CA10: variants seen among roughly 807,000 people sequenced by gnomAD.
The protein encoded by CA10 is carbonic anhydrase 10 (inactive), also known as carbonic anhydrase-related protein 10.
Under a neutral mutation model 44.2 loss-of-function variants are expected in CA10, and 14 were observed. The ratio of observed to expected loss-of-function variants is 0.32; its 90% CI spans 0.21 to 0.50. The LOEUF is 0.50. Among genes scored for constraint, CA10 ranks in the 20% least tolerant of loss-of-function variants. The pLI, the probability that CA10 is intolerant of heterozygous loss-of-function variation, is 0.99. For synonymous variants in CA10, 159 were observed against 141.6 expected (o/e 1.12, Z -0.87); for missense variants, 350 against 409.7 (o/e 0.85, Z 1.26).
intron 2 of CA10, among the ~76,000 whole-genome samples, chr17:52,048,072 T>C (rs1986963409): frequency 6.6e-6 from 1 of 151,488 alleles, no homozygotes; most frequent in South Asian, 2.1e-4. Flanking sequence ...TTGTTTTTGG[T>C]TTTATTTTGC....
intron 2 of CA10, among the ~76,000 whole-genome samples, chr17:51,980,232 G>A (rs1055256824): frequency 6.6e-6 from 1 of 152,112 alleles, no homozygotes; most frequent in Non-Finnish European, 1.5e-5. Context: ...TCTGACTGGT[G>A]TGAGATGGTA....
At chr17:51,804,840 G>T (rs965025824) in intron 3 of CA10, among the ~76,000 whole-genome samples, 2 of 152,112 alleles carry the variant, frequency 1.3e-5, no homozygotes, top group Non-Finnish European at 2.9e-5. Flanking sequence ...CAACCATAAG[G>T]GTTTTAAAGC....
At chr17:51,743,699 C>G (rs1567824646) in intron 4 of CA10, among the ~76,000 whole-genome samples, 1 of 152,188 alleles carries the variant, frequency 6.6e-6, no homozygotes, top group African/African-American at 2.4e-5. Context: ...TGACTTATCA[C>G]GATCAGCAGT....
chr17:51,963,470 A>G (rs1983966857), intron 2 of CA10, among the ~76,000 whole-genome samples: 1 of 151,644 alleles, frequency 6.6e-6, no homozygotes, highest in Admixed American at 6.6e-5. Flanking sequence ...TACCCACCAG[A>G]CTGTCCAAGA....
intron 3 of CA10, among the ~76,000 whole-genome samples, chr17:51,923,432 G>T (rs1335327151): frequency 6.6e-6 from 1 of 152,126 alleles, no homozygotes; most frequent in East Asian, 1.9e-4. Flanking sequence ...CAAGATGATT[G>T]ATTTGCTAAT....
chr17:51,930,960 C>A (rs371674596), intron 3 of CA10, 30 bp downstream of exon 3: 5 of 1,610,940 alleles, frequency 3.1e-6, no homozygotes, highest in South Asian at 1.1e-5. Flanking sequence ...CCATCTTCAA[C>A]TTTACCATGG....
intron 2 of CA10, among the ~76,000 whole-genome samples, chr17:51,942,538 TTATA>T (rs10549926): frequency 7.4e-6 from 1 of 135,176 alleles, no homozygotes; most frequent in Non-Finnish European, 1.7e-5. Flanking sequence ...CTTGCAGGCA[TTATA>T]TATATATATA....
intron 3 of CA10, among the ~76,000 whole-genome samples, chr17:51,842,133 A>C (rs1441932842): frequency 6.6e-6 from 1 of 152,236 alleles, no homozygotes; most frequent in Non-Finnish European, 1.5e-5. Context: ...ATGTTTTCTG[A>C]GAGGGCCTAC....
intron 3 of CA10, among the ~76,000 whole-genome samples, chr17:51,831,707 A>AGCGGCGGCG (rs1567854624): frequency 2.0e-5 from 2 of 98,204 alleles, no homozygotes; most frequent in African/African-American, 6.6e-5. Flanking sequence ...CAGCAGCAGC[A>AGCGGCGGCG]GCAGCAGCAG....
intron 3 of CA10, among the ~76,000 whole-genome samples, chr17:51,888,056 A>G (rs1980692684): frequency 6.6e-6 from 1 of 151,772 alleles, no homozygotes; most frequent in South Asian, 2.1e-4. Flanking sequence ...AAACAAAACA[A>G]AAAAAACTGT....
At chr17:51,902,882 T>C (rs1483446434) in intron 3 of CA10, among the ~76,000 whole-genome samples, 2 of 152,116 alleles carry the variant, frequency 1.3e-5, no homozygotes, top group Non-Finnish European at 2.9e-5. Flanking sequence ...GTTAATCAAA[T>C]CTAGAAGTAT....
At chr17:51,937,952 C>G (rs947972301) in intron 2 of CA10, among the ~76,000 whole-genome samples, 1 of 152,076 alleles carries the variant, frequency 6.6e-6, no homozygotes, top group Non-Finnish European at 1.5e-5. Context: ...TATACTAGTC[C>G]TAACAACTAA....
chr17:52,017,772 A>G (rs1986014137), intron 2 of CA10, among the ~76,000 whole-genome samples: 1 of 152,256 alleles, frequency 6.6e-6, no homozygotes, highest in Admixed American at 6.5e-5. Context: ...AGACATTCAC[A>G]TGACTAAATG....
At chr17:51,920,091 C>T (rs543890869) in intron 3 of CA10, among the ~76,000 whole-genome samples, 3 of 152,214 alleles carry the variant, frequency 2.0e-5, no homozygotes, top group Admixed American at 2.0e-4. Context: ...AATTAAACAT[C>T]TCAAGCTAGT....
At chr17:51,749,586 T>A (rs1221710276) in intron 3 of CA10, among the ~76,000 whole-genome samples, 5 of 152,190 alleles carry the variant, frequency 3.3e-5, no homozygotes. Context: ...ATTATTTAAG[T>A]CTCTAAATTT....
rs963643716 is a variant in CA10, at chr17:52,008,544, T to G, written c.136+63775A>C. 3.5e-4 allele frequency among the ~76,000 whole-genome samples: 53 copies of G among 149,912 alleles called. 1 individual carries two copies. The highest frequency in any genetic ancestry group is 1.3e-3 in the African/African-American group (50 of 39,588). ...TCTGCTAGAGCTTTTCTAATTTCAA[T>G]TTTTTGTTTTTTTCTATTACTGCTA... is the stretch of plus-strand genomic sequence containing the variant. On this transcript the variant is annotated intron_variant, in intron 2 of 8. Coordinates refer to ENST00000451037, the MANE Select transcript of CA10 (RefSeq NM_020178.5).
At chr17:51,769,054 T>C (rs1905498209) in intron 3 of CA10, among the ~76,000 whole-genome samples, 1 of 152,234 alleles carries the variant, frequency 6.6e-6, no homozygotes, top group African/African-American at 2.4e-5. Flanking sequence ...TTTTATACTT[T>C]TATAATGACA....
intron 2 of CA10, among the ~76,000 whole-genome samples, chr17:52,063,081 T>C (rs1319152924): frequency 6.6e-6 from 1 of 152,190 alleles, no homozygotes; most frequent in Non-Finnish European, 1.5e-5. Context: ...CAAAGAAGAT[T>C]ATTTTGGAGC....
chr17:52,124,478 C>G (rs973546477), intron 1 of CA10, among the ~76,000 whole-genome samples: 2 of 152,126 alleles, frequency 1.3e-5, no homozygotes, highest in African/African-American at 4.8e-5. Flanking sequence ...CAAAGCCTGA[C>G]AAAATGAATG....
Sources: allele counts gnomAD v4.1 joint callset (sites outside exome capture counted in the v4.1 genomes callset), GRCh38; gene constraint gnomAD v4.1.1; transcripts MANE v1.5; gene names NCBI Gene and HGNC (gene_info 2026-07-23, HGNC 2026-07-21).